NEIL1: variants seen among roughly 807,000 people sequenced by gnomAD.
NEIL1 encodes endonuclease 8-like 1.
NEIL1 carries 31 observed loss-of-function variants against 44.2 expected under a neutral mutation model. The ratio of observed to expected loss-of-function variants is 0.70; its 90% CI spans 0.53 to 0.95. The LOEUF is 0.95. NEIL1 is among the 40% of genes least tolerant of loss of function. The probability of loss-of-function intolerance (pLI) is 0.00; values close to 1 mark genes in which losing one functional copy is unlikely to be tolerated. For synonymous variants in NEIL1, 254 were observed against 209.7 expected (o/e 1.21, Z -1.83); for missense variants, 549 against 515.5 (o/e 1.07, Z -0.63).
Position 75,352,095 on chromosome 15 carries a change from G to C in NEIL1, c.435-16G>C, listed in dbSNP as rs372840405. On this transcript the variant is annotated splice_polypyrimidine_tract_variant and intron_variant, in intron 2 of 9. Transcript: ENST00000355059. Reference sequence around the variant, plus strand: ...GGTGGGGATGGGTCTTACGCACCCAGACCGTGTTCCTCCAGGGAGAATGTG... The same window carrying C: ...GGTGGGGATGGGTCTTACGCACCCACACCGTGTTCCTCCAGGGAGAATGTG... The C allele has an allele frequency of 5.6e-6, 9 of 1,613,866 alleles. No individual in the cohort carries two copies. In the African/African-American group the frequency reaches 8.0e-5, roughly 14 times the overall value.
rs759056574 is a variant in NEIL1 at position 75,354,979 on chromosome 15, G to A, written c.1118G>A (p.Arg373Gln). 77 of 1,613,938 alleles carry A rather than the reference G, an allele frequency of 4.8e-5. No individual in the cohort carries two copies. Among genetic ancestry groups the A allele is most frequent in the Non-Finnish European group, 5.2e-5 (61 of 1,180,006 alleles). Residue 373 changes from arginine to glutamine, a missense_variant, in exon 10 of 10, where the codon CGG becomes CAG. Arg to Gln is a conservative substitution (Grantham distance 43, BLOSUM62 1). Coordinates refer to ENST00000355059, the MANE Select transcript of NEIL1 (RefSeq NM_024608.4). The stretch of plus-strand genomic sequence containing the variant: ...CTTCCCCCAGGCCACTGCAGACCCC[G>A]GAAGGTCAAGGCTGACATCCCATCC... ...RQAASGHCRPRKVKADIPSLE... is the reference protein window; with the variant it reads ...RQAASGHCRPQKVKADIPSLE...
In NEIL1 at chr15:75,356,165, C is replaced by G; in HGVS notation, c.*1131C>G. The G allele has an allele frequency of 6.2e-7, 1 of 1,613,604 alleles. No individual in the cohort carries two copies. Among genetic ancestry groups the G allele is most frequent in the African/African-American group, 1.3e-5 (1 of 75,054 alleles). ...TGCAGCCAGCAGTCCACGTGGCTGC[C>G]GTGGGCCTCATACAGCCTCAGGACC... On this transcript the variant is annotated 3_prime_UTR_variant, in exon 10 of 10. Coordinates refer to ENST00000355059, the MANE Select transcript of NEIL1 (RefSeq NM_024608.4). The surrounding 1 kb of genome is among the most constrained non-coding windows in gnomAD (Gnocchi z 5.8).
intron 1 of NEIL1, chr15:75,347,913 C>A: frequency 8.0e-7 from 1 of 1,243,854 alleles, no homozygotes; most frequent in Non-Finnish European, 1.0e-6. Flanking sequence ...GTGGAGGGGG[C>A]AAGGTACGGG....
At position 75,355,940 on chromosome 15, in the gene NEIL1, G is replaced by C. The variant is rs1006270685; in HGVS notation, c.*906G>C. The C allele has an allele frequency of 1.1e-5, 17 of 1,614,222 alleles. No homozygotes were observed. The highest frequency in any genetic ancestry group is 1.4e-5 in the Non-Finnish European group (16 of 1,180,036). Reference sequence around the variant, plus strand: ...CGGAGGCTGAAGCACGAGCAACAGGGACAGCACTTGGAAGGGAGAAAAGGT... The same window carrying C: ...CGGAGGCTGAAGCACGAGCAACAGGCACAGCACTTGGAAGGGAGAAAAGGT... On this transcript the variant is annotated 3_prime_UTR_variant, in exon 10 of 10. Transcript: ENST00000355059.
intron 5 of NEIL1, 110 bp from the exon 6 acceptor site, chr15:75,353,627 GAC>G (rs755218022): frequency 8.8e-7 from 1 of 1,133,486 alleles, no homozygotes; most frequent in East Asian, 2.4e-5. Flanking sequence ...TGTGGCCCCT[GAC>G]TCAGTCCATC....
chr15:75,354,017 G>T, intron 6 of NEIL1, 151 bp downstream of exon 6: 1 of 1,169,290 alleles, frequency 8.6e-7, no homozygotes, highest in Non-Finnish European at 1.2e-6. Context: ...CCCCTCCCAT[G>T]CGTCCCAGGG....
At chr15:75,348,445 G>C (rs1430287249) in intron 1 of NEIL1, 5 of 1,020,024 alleles carry the variant, frequency 4.9e-6, no homozygotes, top group Non-Finnish European at 5.9e-6. Context: ...TGGAGAAAGA[G>C]ACAGCGTGTG....
chr15:75,355,908 A>C lies in NEIL1; in HGVS notation c.*874A>C. 6.2e-7 allele frequency: 1 copy of C among 1,614,186 alleles called. No homozygotes were observed. Among genetic ancestry groups the C allele is most frequent in the Non-Finnish European group, 8.5e-7 (1 of 1,180,010 alleles). On this transcript the variant is annotated 3_prime_UTR_variant, in exon 10 of 10. Coordinates refer to ENST00000355059, the MANE Select transcript of NEIL1 (RefSeq NM_024608.4). ...AACAAAACCCCAGCCCCAGGGACTC[A>C]GTGTGGCGGAGGCTGAAGCACGAGC...
intron 1 of NEIL1, chr15:75,348,169 T>C: frequency 1.4e-6 from 1 of 699,144 alleles, no homozygotes; most frequent in Non-Finnish European, 1.8e-6. Flanking sequence ...CTCCAGCGCA[T>C]GGCGGCAGCC....
rs540380475 is a variant in NEIL1, at chr15:75,354,999, C to G, written c.1138C>G (p.Pro380Ala). ...CRPRKVKADIPSLEPEGTSAS is the reference protein window; with the variant it reads ...CRPRKVKADIASLEPEGTSAS The stretch of plus-strand genomic sequence containing the variant: ...ACCCCGGAAGGTCAAGGCTGACATC[C>G]CATCCTTGGAACCAGAGGGGACCTC... The change falls in exon 10 of 10, where the codon CCA (proline) becomes GCA (alanine). Residue 380 changes from proline (P) to alanine (A), a missense_variant. Transcript: ENST00000355059. 16 of 1,614,066 alleles carry G rather than the reference C, an allele frequency of 9.9e-6. No individual in the cohort carries two copies. The highest frequency in any genetic ancestry group is 8.0e-5 in the African/African-American group (6 of 75,058).
At chr15:75,349,408 G>C in intron 2 of NEIL1, 69 bp downstream of exon 2, 1 of 1,440,828 alleles carries the variant, frequency 6.9e-7, no homozygotes, top group Non-Finnish European at 9.4e-7. Flanking sequence ...GTGCCTTCTT[G>C]GCCAACAAGG....
intron 1 of NEIL1, chr15:75,347,861 A>G (rs968777185): frequency 9.2e-6 from 11 of 1,193,342 alleles, no homozygotes; most frequent in Non-Finnish European, 1.2e-5. Context: ...TTCTCCCGCA[A>G]AACGAGCCCT....
Position 75,347,059 on chromosome 15 carries a change from G to T in NEIL1, c.-437G>T, listed in dbSNP as rs2071515845. ...GGACACGTCGGGTTTCCTCGTTTTT[G>T]CGGACTGGCGCTTTCTGATTTCAGA... On this transcript the variant is annotated 5_prime_UTR_variant, in exon 1 of 10. Coordinates refer to ENST00000355059, the MANE Select transcript of NEIL1 (RefSeq NM_024608.4). 1 of 152,232 alleles carries T rather than the reference G, an allele frequency of 6.6e-6. No individual in the cohort carries two copies. Among genetic ancestry groups the T allele is most frequent in the Non-Finnish European group, 1.5e-5 (1 of 68,040 alleles). 9.4% of individuals were successfully genotyped at this position (152,232 alleles called of 1,614,324 possible).
chr15:75,353,149 A>AC lies in NEIL1; in HGVS notation c.718+448_718+449insC, dbSNP rs562900018. On this transcript the variant is annotated intron_variant, in intron 5 of 9. Coordinates refer to ENST00000355059, the MANE Select transcript of NEIL1 (RefSeq NM_024608.4). ...AAGAGCAAAACTCCATCTCAAAAAA[A>AC]AAAAAAACAAAAAAACAGTGTTTCC... The AC allele has an allele frequency of 1.4e-3, 256 of 182,974 alleles. 1 individual carries two copies. The highest frequency in any genetic ancestry group is 5.8e-3 in the African/African-American group (245 of 41,966). 11.3% of individuals were successfully genotyped at this position (182,974 alleles called of 1,614,324 possible).
intron 6 of NEIL1, 149 bp downstream of exon 6, chr15:75,354,015 A>C: frequency 1.7e-6 from 2 of 1,174,592 alleles, no homozygotes; most frequent in Non-Finnish European, 2.4e-6. Context: ...CTCCCCTCCC[A>C]TGCGTCCCAG....
In NEIL1 at chr15:75,356,218, G is replaced by C; in HGVS notation, c.*1184G>C. 2 of 1,612,928 alleles carry C rather than the reference G, an allele frequency of 1.2e-6. No homozygotes were observed. Among genetic ancestry groups the C allele is most frequent in the South Asian group, 2.2e-5 (2 of 91,006 alleles). ...CGAGCGGCGCTGGGGGCTGCTCTCC[G>C]CCTGCAGAGGAACACGTCTGGTGGG... On this transcript the variant is annotated 3_prime_UTR_variant, in exon 10 of 10. Coordinates refer to ENST00000355059, the MANE Select transcript of NEIL1 (RefSeq NM_024608.4). This position sits in a 1 kb window ranked among gnomAD's most constrained non-coding sequence, Gnocchi z 5.8.
chr15:75,348,645 C>G (rs1364028707), intron 1 of NEIL1: 2 of 1,383,660 alleles, frequency 1.4e-6, no homozygotes, highest in South Asian at 1.7e-5. Context: ...TGGAAGGAAG[C>G]GGTTAGCAGC....
chr15:75,355,107 G>A lies in NEIL1; in HGVS notation c.*73G>A. ...TGCATCTGGGGGTCTGAATTTTTGG[G>A]AGCAGGCAATATCTGAAGGTGCAAA... On this transcript the variant is annotated 3_prime_UTR_variant, in exon 10 of 10. Transcript: ENST00000355059. 6.5e-6 allele frequency: 9 copies of A among 1,387,190 alleles called. No homozygotes were observed. The highest frequency in any genetic ancestry group is 8.0e-6 in the Non-Finnish European group (8 of 996,978). The allele number at this position is 1,387,190 out of a possible 1,614,324, so 85.9% of individuals were successfully genotyped here. A position where few individuals can be genotyped will look rare whatever the true frequency, so the allele number is the denominator to read the frequency against.
At chr15:75,351,404 T>A in intron 2 of NEIL1, 1 of 385,102 alleles carries the variant, frequency 2.6e-6, no homozygotes, top group East Asian at 7.2e-5. Context: ...ACCTCCTGAT[T>A]AACTGGAACC....
Sources: allele counts gnomAD v4.1 joint callset, GRCh38; gene constraint gnomAD v4.1.1; non-coding constraint Gnocchi (gnomAD v3.1); transcripts MANE v1.5; gene names NCBI Gene and HGNC (gene_info 2026-07-23, HGNC 2026-07-21).